Variants in EIF2AK4 observed in about 807,000 individuals in gnomAD.
The protein encoded by EIF2AK4 is eukaryotic translation initiation factor 2 alpha kinase 4, also known as eIF-2-alpha kinase GCN2.
In EIF2AK4, 139 loss-of-function variants were observed where a neutral mutation model predicts 211.1. The observed-to-expected ratio is 0.66, with a 90% CI of 0.57 to 0.76. The LOEUF is 0.76. Ranked by LOEUF, EIF2AK4 falls within the 30% of genes least tolerant of loss-of-function variation. The probability of loss-of-function intolerance (pLI) is 0.00; values close to 1 mark genes in which losing one functional copy is unlikely to be tolerated. For synonymous variants in EIF2AK4, 710 were observed against 751.3 expected, an observed-to-expected ratio of 0.94 and a Z score of 0.90; for missense variants, 1,664 against 2,043.8, an observed-to-expected ratio of 0.81 and a Z score of 3.58.
At chr15:39,938,311 C>A (rs2034096772) in intron 1 of EIF2AK4, among the ~76,000 whole-genome samples, 1 of 152,182 alleles carries the variant, frequency 6.6e-6, no homozygotes, top group African/African-American at 2.4e-5. Context: ...GAGTGCTTAA[C>A]CCTTCCCCAG....
intron 3 of EIF2AK4, 58 bp downstream of exon 3, chr15:39,943,543 A>G: frequency 1.5e-6 from 2 of 1,364,576 alleles, no homozygotes; most frequent in East Asian, 4.7e-5. Flanking sequence ...TTACACCTCA[A>G]ATCCAATTTT....
rs1291767983 is a variant in EIF2AK4 at position 40,003,247 on chromosome 15, A to T, written c.3290A>T (p.Glu1097Val). The T allele has an allele frequency of 6.2e-7, 1 of 1,614,172 alleles. No individual in the cohort carries two copies. The highest frequency in any genetic ancestry group is 1.7e-5 in the Admixed American group (1 of 60,016). ...CTTCCCCGAAACAGACAAATATATG[A>T]GCACAACGAAGCTGCCCTATTCATG... Reference protein sequence around the residue: ...LLLPRNRQIYEHNEAALFMDH... With the variant: ...LLLPRNRQIYVHNEAALFMDH... The change falls in exon 23 of 39, where the codon GAG becomes GTG. Residue 1097 changes from glutamate (E) to valine (V), a missense_variant. Glu to Val is a moderately radical substitution (Grantham distance 121). Around this residue, in one of 7 missense-constraint regions of EIF2AK4, gnomAD observed 622 missense variants for 796.8 expected, o/e 0.78. Coordinates refer to ENST00000263791, the MANE Select transcript of EIF2AK4 (RefSeq NM_001013703.4).
At chr15:39,992,689 G>T in intron 17 of EIF2AK4, 80 bp from the exon 18 acceptor site, 12 of 1,291,966 alleles carry the variant, frequency 9.3e-6, no homozygotes, top group African/African-American at 1.5e-5. Context: ...TCACTTTTAA[G>T]AAACCTTTTT....
intron 4 of EIF2AK4, among the ~76,000 whole-genome samples, chr15:39,949,606 A>G (rs995872152): frequency 8.5e-5 from 13 of 152,334 alleles, no homozygotes; most frequent in African/African-American, 2.4e-4. Context: ...CAAGACTAGT[A>G]TCTCATGCCC....
intron 4 of EIF2AK4, among the ~76,000 whole-genome samples, chr15:39,950,162 G>A (rs557588230): frequency 6.6e-6 from 1 of 152,220 alleles, no homozygotes; most frequent in Non-Finnish European, 1.5e-5. Context: ...AATTCTTGAA[G>A]TGATTCATAA....
chr15:39,977,513 G>A (rs1392134946), intron 12 of EIF2AK4: 3 of 152,128 alleles, frequency 2.0e-5, no homozygotes, highest in Non-Finnish European at 4.4e-5. Flanking sequence ...CCATGGCCTG[G>A]AGGTTTGGGA....
Position 39,985,665 on chromosome 15 carries a change from G to T in EIF2AK4, c.2320-140G>T, listed in dbSNP as rs993159024. ...ATGCTGTGAGCTTCTAAGGATAGTGGTTATGTTCTGCTCACTGACTTCTCC... is the reference window on the plus strand; with the variant it reads ...ATGCTGTGAGCTTCTAAGGATAGTGTTTATGTTCTGCTCACTGACTTCTCC... On this transcript the variant is annotated intron_variant, in intron 13 of 38. Coordinates refer to ENST00000263791, the MANE Select transcript of EIF2AK4 (RefSeq NM_001013703.4). 8 of 676,734 alleles carry T rather than the reference G, an allele frequency of 1.2e-5. 1 individual carries two copies. Among genetic ancestry groups the T allele is most frequent in the Middle Eastern group, 4.9e-4 (2 of 4,090 alleles). The allele number at this position is 676,734 out of a possible 1,614,324, so 41.9% of individuals were successfully genotyped here.
chr15:39,975,715 AGTATACATCATCTTAG>A (rs1392349696), intron 11 of EIF2AK4, among the ~76,000 whole-genome samples: 1 of 152,200 alleles, frequency 6.6e-6, no homozygotes, highest in Non-Finnish European at 1.5e-5. Context: ...TTCTGGTTTC[AGTATACATCATCTTAG>A]GTATATAACA....
chr15:39,981,839 G>A (rs1003438555), intron 13 of EIF2AK4, among the ~76,000 whole-genome samples: 1 of 151,996 alleles, frequency 6.6e-6, no homozygotes, highest in Non-Finnish European at 1.5e-5. Context: ...GTGTCCTAGA[G>A]GGTCATTCAC....
chr15:39,968,894 A>G (rs887552531), intron 9 of EIF2AK4, among the ~76,000 whole-genome samples: 1 of 151,742 alleles, frequency 6.6e-6, no homozygotes. Flanking sequence ...ATATATATAC[A>G]CACACATACA....
chr15:39,997,956 G>A (rs918833824), intron 19 of EIF2AK4, among the ~76,000 whole-genome samples: 6 of 152,170 alleles, frequency 3.9e-5, no homozygotes, highest in African/African-American at 1.4e-4. Context: ...TCATAAACAC[G>A]ATAACTAGAA....
intron 6 of EIF2AK4, 37 bp from the exon 7 acceptor site, chr15:39,961,747 T>C: frequency 6.6e-7 from 1 of 1,509,874 alleles, no homozygotes; most frequent in East Asian, 2.3e-5. Flanking sequence ...AAATGAAAAA[T>C]GATTGTTCAA....
At chr15:39,949,368 T>G (rs928821269) in intron 4 of EIF2AK4, 100 bp downstream of exon 4, 18 of 1,497,032 alleles carry the variant, frequency 1.2e-5, no homozygotes, top group Non-Finnish European at 1.6e-5. Context: ...ATCTTTAAGT[T>G]TTGCTCAGCC....
chr15:39,955,777 C>T lies in EIF2AK4; in HGVS notation c.743+9C>T, dbSNP rs1008267614. 1.3e-6 allele frequency: 2 copies of T among 1,576,146 alleles called. No homozygotes were observed. Among genetic ancestry groups the T allele is most frequent in the African/African-American group, 1.4e-5 (1 of 72,888 alleles). On this transcript the variant is annotated intron_variant, in intron 6 of 38. Transcript: ENST00000263791. ...TCCTCAGGAAGGTCTAGGTAAGTCC[C>T]TGGGATTTCTGATCTGGGAGAATGA...
rs1429668206 is a variant in EIF2AK4, at chr15:39,976,702, C to T, written c.2107C>T (p.Pro703Ser). 2 of 1,601,856 alleles carry T rather than the reference C, an allele frequency of 1.2e-6. No individual in the cohort carries two copies. Reference sequence around the variant, plus strand: ...CAGCGTAGAGGCCGCCGCGCCGCCACCCATCCTCAGCAGCTCGGTGGAGTG... The same window carrying T: ...CAGCGTAGAGGCCGCCGCGCCGCCATCCATCCTCAGCAGCTCGGTGGAGTG... Reference protein sequence around the residue: ...LDSVEAAAPPPILSSSVEWST... With the variant: ...LDSVEAAAPPSILSSSVEWST... The change falls in exon 12 of 39, where the codon CCC becomes TCC. Residue 703 changes from proline to serine, a missense_variant. This residue lies in a region of EIF2AK4 where 206 missense variants were observed against 201.9 expected (regional missense o/e 1.02). Transcript: ENST00000263791.
At chr15:39,978,896 C>T (rs1355950362) in intron 13 of EIF2AK4, among the ~76,000 whole-genome samples, 2 of 152,182 alleles carry the variant, frequency 1.3e-5, no homozygotes, top group African/African-American at 4.8e-5. Context: ...GTGAAAGCAA[C>T]AGTCTGATCT....
At chr15:40,020,452 A>G (rs1348276993) in intron 30 of EIF2AK4, 1 of 150,696 alleles carries the variant, frequency 6.6e-6, no homozygotes, top group African/African-American at 2.4e-5. Flanking sequence ...GTTCGAGACC[A>G]GCCTGGCCAA....
At chr15:39,998,812 G>T in intron 20 of EIF2AK4, 28 bp downstream of exon 20, 1 of 1,551,714 alleles carries the variant, frequency 6.4e-7, no homozygotes, top group South Asian at 1.2e-5. Context: ...CAATTACTAT[G>T]TCTTCAGTCT....
intron 32 of EIF2AK4, among the ~76,000 whole-genome samples, chr15:40,023,483 T>G (rs1016875323): frequency 3.3e-5 from 5 of 152,350 alleles, no homozygotes; most frequent in Admixed American, 1.3e-4. Flanking sequence ...TTTCTATATA[T>G]AGAGCTATTC....
Sources: allele counts gnomAD v4.1 joint callset (sites outside exome capture counted in the v4.1 genomes callset), GRCh38; gene constraint gnomAD v4.1.1; regional missense constraint gnomAD v4.1.1; transcripts MANE v1.5; gene names NCBI Gene and HGNC (gene_info 2026-07-23, HGNC 2026-07-21).